ZBTB8OS: variants seen among roughly 807,000 people sequenced by gnomAD.
ZBTB8OS encodes the protein tRNA-splicing ligase-activating factor archease.
A neutral mutation model predicts 29.3 loss-of-function variants in ZBTB8OS; 16 were observed. The observed-to-expected ratio is 0.55, with a 90% CI of 0.37 to 0.83. The LOEUF (loss-of-function observed/expected upper bound fraction) is 0.83, where lower values mean the gene tolerates loss of function less well. Ranked by LOEUF, ZBTB8OS falls within the 40% of genes least tolerant of loss-of-function variation. The probability of loss-of-function intolerance (pLI) is 0.00; values close to 1 mark genes in which losing one functional copy is unlikely to be tolerated. For synonymous variants in ZBTB8OS, 70 were observed against 64.6 expected (o/e 1.08, Z -0.40); for missense variants, 160 against 196.9 (o/e 0.81, Z 1.12).
intron 1 of ZBTB8OS, among the ~76,000 whole-genome samples, chr1:32,643,128 T>C (rs961981139): frequency 7.3e-6 from 1 of 137,016 alleles, no homozygotes; most frequent in African/African-American, 2.7e-5. Flanking sequence ...TGGAGTACAA[T>C]GGCACGATCT....
intron 6 of ZBTB8OS, among the ~76,000 whole-genome samples, chr1:32,626,213 G>A (rs907547154): frequency 7.9e-5 from 12 of 152,088 alleles, no homozygotes; most frequent in African/African-American, 2.9e-4. Flanking sequence ...TTGGTATTTA[G>A]AAATATAAAT....
At position 32,640,647 on chromosome 1, in the gene ZBTB8OS, TAA is replaced by T. The variant is rs1165182696; in HGVS notation, c.98-5857_98-5856del. ...CTTCTGCCTCAAGTCTCCCAAGTGG[TAA>T]GGACTACAGACACGCACCACCACAC... On this transcript the variant is annotated intron_variant, in intron 1 of 6. Transcript: ENST00000468695. Among the ~76,000 whole-genome samples, 7 of 152,006 alleles carry T rather than the reference TAA, an allele frequency of 4.6e-5. No individual in the cohort carries two copies. The East Asian group carries it at 1.2e-3, about 25-fold the overall frequency.
intron 6 of ZBTB8OS, among the ~76,000 whole-genome samples, chr1:32,623,906 T>C (rs1368556527): frequency 6.6e-6 from 1 of 152,132 alleles, no homozygotes; most frequent in Non-Finnish European, 1.5e-5. Flanking sequence ...TCTCCACGTG[T>C]TGTGGGAGGG....
At chr1:32,643,801 A>C (rs1236983499) in intron 1 of ZBTB8OS, among the ~76,000 whole-genome samples, 1 of 82,850 alleles carries the variant, frequency 1.2e-5, no homozygotes, top group Non-Finnish European at 2.4e-5. Flanking sequence ...GGCCCCAGCT[A>C]ATTTTTTTTA....
Position 32,628,092 on chromosome 1 carries a change from C to T in ZBTB8OS, c.381-548G>A, listed in dbSNP as rs139204712. On this transcript the variant is annotated intron_variant, in intron 5 of 6. Coordinates refer to ENST00000468695, the MANE Select transcript of ZBTB8OS (RefSeq NM_178547.5). ...AGGCGCGGTGGCTCATGCCTGTAACCCCAGCACTTTGGGAGGCCGAAGCAG... is the reference window on the plus strand; with the variant it reads ...AGGCGCGGTGGCTCATGCCTGTAACTCCAGCACTTTGGGAGGCCGAAGCAG... Among the ~76,000 whole-genome samples the T allele has an allele frequency of 5.6e-3, 851 of 152,062 alleles. 6 individuals are homozygous for T. The highest frequency in any genetic ancestry group is 0.027 in the Middle Eastern group (8 of 294).
At chr1:32,642,494 ACT>A (rs1230947958) in intron 1 of ZBTB8OS, among the ~76,000 whole-genome samples, 7 of 148,998 alleles carry the variant, frequency 4.7e-5, no homozygotes, top group Admixed American at 1.4e-4. Flanking sequence ...ACAGAGCGAG[ACT>A]CTGTCTCAAA....
At position 32,621,899 on chromosome 1, in the gene ZBTB8OS, T is replaced by C; in HGVS notation, c.467A>G (p.Glu156Gly). ...GATCACAAAAACTTCCGGGTTCTCT[T>C]CATTATAGACCTGCATTGCTGAATA... is the stretch of plus-strand genomic sequence containing the variant. ...ITYSAMQVYN[E>G]ENPEVFVIID... Residue 156 changes from glutamate to glycine, a missense_variant, in exon 7 of 7, where the codon GAA (glutamate) becomes GGA (glycine). Physicochemically the swap from Glu to Gly is moderately conservative, Grantham distance 98. Coordinates refer to ENST00000468695, the MANE Select transcript of ZBTB8OS (RefSeq NM_178547.5). The C allele has an allele frequency of 6.3e-7, 1 of 1,597,068 alleles. No individual in the cohort carries two copies. The highest frequency in any genetic ancestry group is 8.5e-7 in the Non-Finnish European group (1 of 1,177,066).
At chr1:32,649,216 C>T (rs994862620) in intron 1 of ZBTB8OS, among the ~76,000 whole-genome samples, 3 of 151,992 alleles carry the variant, frequency 2.0e-5, no homozygotes, top group Non-Finnish European at 4.4e-5. Flanking sequence ...GATCCACCCA[C>T]GTCAGTCTCG....
chr1:32,630,082 A>C (rs1645429663), intron 5 of ZBTB8OS, among the ~76,000 whole-genome samples: 1 of 152,152 alleles, frequency 6.6e-6, no homozygotes, highest in Non-Finnish European at 1.5e-5. Flanking sequence ...AAAAACAACA[A>C]AAAACAAAAC....
At chr1:32,650,665 ACCTAC>A, upstream of ZBTB8OS, 1 of 1,536,572 alleles carries the variant, frequency 6.5e-7, no homozygotes, top group Non-Finnish European at 8.8e-7. Flanking sequence ...TTGGCTGTTG[ACCTAC>A]TTTAGTCCCT....
intron 1 of ZBTB8OS, among the ~76,000 whole-genome samples, chr1:32,639,344 C>T (rs1287705072): frequency 6.6e-6 from 1 of 151,788 alleles, no homozygotes; most frequent in Non-Finnish European, 1.5e-5. Flanking sequence ...CTATGTTGCC[C>T]AGGCTGGAGT....
At position 32,650,425 on chromosome 1, in the gene ZBTB8OS, C is replaced by A; in HGVS notation, c.97+8G>T. ...ACATGTAAAGAGAGAAGTAAGCCAC[C>A]TACTCACACTCGTACTTCCTATTGA... On this transcript the variant is annotated splice_region_variant and intron_variant, in intron 1 of 6. Coordinates refer to ENST00000468695, the MANE Select transcript of ZBTB8OS (RefSeq NM_178547.5). The A allele has an allele frequency of 6.2e-7, 1 of 1,614,102 alleles. No individual in the cohort carries two copies. Among genetic ancestry groups the A allele is most frequent in the Non-Finnish European group, 8.5e-7 (1 of 1,179,976 alleles).
chr1:32,626,463 GCAA>G (rs1488382900), intron 6 of ZBTB8OS, among the ~76,000 whole-genome samples: 34 of 152,174 alleles, frequency 2.2e-4, no homozygotes, highest in Non-Finnish European at 1.5e-5. Context: ...ACAGGGGTCA[GCAA>G]AATATATATA....
intron 5 of ZBTB8OS, among the ~76,000 whole-genome samples, chr1:32,629,757 T>C (rs1325253016): frequency 1.3e-5 from 2 of 148,918 alleles, no homozygotes; most frequent in African/African-American, 2.5e-5. Context: ...TTCTTTTTTT[T>C]TTTTTTTTTT....
chr1:32,636,693 GAA>G (rs57720228), intron 1 of ZBTB8OS, among the ~76,000 whole-genome samples: 1 of 138,112 alleles, frequency 7.2e-6, no homozygotes. Flanking sequence ...TCAAAAAATG[GAA>G]AAAAAAAAAA....
intron 6 of ZBTB8OS, among the ~76,000 whole-genome samples, chr1:32,624,148 G>A (rs1387366397): frequency 2.0e-5 from 3 of 152,130 alleles, no homozygotes; most frequent in Non-Finnish European, 4.4e-5. Context: ...AATCAATTAA[G>A]CCCCTTTCCT....
intron 1 of ZBTB8OS, among the ~76,000 whole-genome samples, chr1:32,643,070 CT>C (rs71006346): frequency 2.8e-4 from 30 of 107,474 alleles, no homozygotes; most frequent in African/African-American, 4.3e-4. Flanking sequence ...CGTGCCTGGC[CT>C]TTTTTTTTTT....
intron 6 of ZBTB8OS, among the ~76,000 whole-genome samples, chr1:32,626,550 C>T (rs1645145925): frequency 6.6e-6 from 1 of 151,762 alleles, no homozygotes; most frequent in East Asian, 1.9e-4. Flanking sequence ...TATTTATTTA[C>T]TTTTATTTTA....
intron 1 of ZBTB8OS, among the ~76,000 whole-genome samples, chr1:32,636,692 GGAA>G (rs1645991528): frequency 7.6e-6 from 1 of 131,522 alleles, no homozygotes. Context: ...CTCAAAAAAT[GGAA>G]AAAAAAAAAA....
Sources: gnomAD v4.1 joint callset for allele counts (sites outside exome capture counted in the v4.1 genomes callset) on GRCh38, gnomAD v4.1.1 for gene constraint, MANE v1.5 for transcripts, NCBI Gene and HGNC (gene_info 2026-07-23, HGNC 2026-07-21) for gene names.